The following LHPP variants were observed in gnomAD, a reference collection of about 807,000 sequenced individuals.
LHPP encodes the protein hLHPP.
Under a neutral mutation model 30.3 loss-of-function variants are expected in LHPP, and 24 were observed. The ratio of observed to expected loss-of-function variants is 0.79; its 90% CI spans 0.57 to 1.11. The LOEUF is 1.11. LHPP is among the 50% of genes most tolerant of loss of function. The probability of loss-of-function intolerance (pLI) is 0.00; values close to 1 mark genes in which losing one functional copy is unlikely to be tolerated. For synonymous variants in LHPP, 150 were observed against 157.1 expected (o/e 0.95, Z 0.34); for missense variants, 356 against 367.2 (o/e 0.97, Z 0.25).
chr10:124,497,626 G>T (rs988843994), intron 4 of LHPP, among the ~76,000 whole-genome samples: 3 of 152,340 alleles, frequency 2.0e-5, no homozygotes, highest in East Asian at 3.9e-4. Context: ...CTGCCGTCAG[G>T]TGGGAGGGAG....
intron 1 of LHPP, among the ~76,000 whole-genome samples, chr10:124,482,600 C>T (rs1953176306): frequency 6.6e-6 from 1 of 152,062 alleles, no homozygotes; most frequent in African/African-American, 2.4e-5. Context: ...GGAGCCAGGT[C>T]CTGCCTGTCA....
chr10:124,484,059 C>T lies in LHPP; in HGVS notation c.126-80C>T, dbSNP rs1176929879. The T allele has an allele frequency of 3.2e-5, 44 of 1,386,484 alleles. No individual in the cohort carries two copies. The South Asian group carries it at 4.2e-4, about 13-fold the overall frequency. The allele number at this position is 1,386,484 out of a possible 1,614,324, so 85.9% of individuals were successfully genotyped here. Reference sequence around the variant, plus strand: ...GCTCTGGGCTTTGCTGGATGCCCTTCGAGAATCACCGCGCAACCTCCTTCA... The same window carrying T: ...GCTCTGGGCTTTGCTGGATGCCCTTTGAGAATCACCGCGCAACCTCCTTCA... On this transcript the variant is annotated intron_variant, in intron 1 of 6. Transcript: ENST00000368842.
At chr10:124,467,752 G>C (rs2133811514) in intron 1 of LHPP, among the ~76,000 whole-genome samples, 1 of 151,150 alleles carries the variant, frequency 6.6e-6, no homozygotes, top group East Asian at 1.9e-4. Context: ...GTCTCACTCT[G>C]TCTCCCAGGC....
intron 6 of LHPP, among the ~76,000 whole-genome samples, chr10:124,522,958 C>A (rs1197849738): frequency 1.3e-5 from 2 of 152,204 alleles, no homozygotes; most frequent in East Asian, 3.9e-4. Flanking sequence ...TCCCCACCAA[C>A]CTGTGTTCCT....
chr10:124,467,047 C>T (rs1439591494), intron 1 of LHPP, among the ~76,000 whole-genome samples: 2 of 151,462 alleles, frequency 1.3e-5, no homozygotes, highest in African/African-American at 4.9e-5. Flanking sequence ...CTGCCTGAGC[C>T]CAGGAGTTTG....
intron 2 of LHPP, among the ~76,000 whole-genome samples, 157 bp from the exon 3 acceptor site, chr10:124,488,265 C>T (rs1953401847): frequency 6.6e-6 from 1 of 152,156 alleles, no homozygotes; most frequent in Non-Finnish European, 1.5e-5. Flanking sequence ...TAGGAATAAC[C>T]CTTCTGTGTC....
chr10:124,583,077 C>T (rs1219778603), intron 6 of LHPP, among the ~76,000 whole-genome samples: 3 of 152,058 alleles, frequency 2.0e-5, no homozygotes, highest in Non-Finnish European at 4.4e-5. Context: ...TGTATTTTCT[C>T]ATATTTTGTG....
At chr10:124,465,377 G>T (rs1293857961) in intron 1 of LHPP, among the ~76,000 whole-genome samples, 1 of 152,102 alleles carries the variant, frequency 6.6e-6, no homozygotes, top group Non-Finnish European at 1.5e-5. Flanking sequence ...CTCTAGATAG[G>T]CATATCATGT....
intron 6 of LHPP, among the ~76,000 whole-genome samples, chr10:124,549,724 C>T (rs1955431894): frequency 6.6e-6 from 1 of 152,248 alleles, no homozygotes; most frequent in Non-Finnish European, 1.5e-5. Context: ...GCTGGGCCTG[C>T]CTCTGGCCCT....
intron 6 of LHPP, among the ~76,000 whole-genome samples, chr10:124,578,056 G>A (rs953881756): frequency 1.3e-5 from 2 of 152,148 alleles, no homozygotes; most frequent in African/African-American, 4.8e-5. Context: ...CCGAGAACCT[G>A]ACTGGGACCA....
At position 124,610,323 on chromosome 10, in the gene LHPP, CGGGTGA is replaced by C. The variant is rs1564852668; in HGVS notation, c.717-2935_717-2930del. ...AATGGAGCGGGTGCGGGTGTGGGTG[CGGGTGA>C]GGGTGCTGATGGAGCGGGTGAGGGT... is the stretch of plus-strand genomic sequence containing the variant. On this transcript the variant is annotated intron_variant, in intron 6 of 6. Coordinates refer to ENST00000368842, the MANE Select transcript of LHPP (RefSeq NM_022126.4). 2.1e-3 allele frequency among the ~76,000 whole-genome samples: 201 copies of C among 94,440 alleles called. 2 individuals carry two copies. Among genetic ancestry groups the C allele is most frequent in the African/African-American group, 5.6e-3 (149 of 26,832 alleles). The allele number at this position is 94,440 out of a possible 152,430, so 62.0% of individuals were successfully genotyped here. A position where few individuals can be genotyped will look rare whatever the true frequency, so the allele number is the denominator to read the frequency against.
In LHPP at chr10:124,541,096, C is replaced by A. The variant is rs1307747788; in HGVS notation, c.716+23825C>A. Among the ~76,000 whole-genome samples the A allele has an allele frequency of 6.6e-6, 1 of 152,120 alleles. No individual in the cohort carries two copies. The highest frequency in any genetic ancestry group is 1.5e-5 in the Non-Finnish European group (1 of 68,032). The stretch of plus-strand genomic sequence containing the variant: ...CCCAAATCACAAAGTGGCCCTGGGC[C>A]CTGGGATGGCCGGAGGAGAGCCTGC... On this transcript the variant is annotated intron_variant, in intron 6 of 6. Transcript: ENST00000368842. This position sits in a 1 kb window ranked among gnomAD's most constrained non-coding sequence, Gnocchi z 4.2.
At chr10:124,504,108 C>T (rs1953989440) in intron 5 of LHPP, among the ~76,000 whole-genome samples, 1 of 152,142 alleles carries the variant, frequency 6.6e-6, no homozygotes, top group South Asian at 2.1e-4. Context: ...GGGAGAATCA[C>T]TTGAACCCAG....
Position 124,605,667 on chromosome 10 carries a change from C to T in LHPP, c.717-7597C>T, listed in dbSNP as rs1484195130. Among the ~76,000 whole-genome samples, 16 of 152,130 alleles carry T rather than the reference C, an allele frequency of 1.1e-4. No individual in the cohort carries two copies. The South Asian group carries it at 1.9e-3, about 18-fold the overall frequency. ...AGTGGCTGGCGAGGCGAGGGAGGTC[C>T]GCAGGTGGGGCCCAGTCAGGATGGA... On this transcript the variant is annotated intron_variant, in intron 6 of 6. Transcript: ENST00000368842.
intron 6 of LHPP, among the ~76,000 whole-genome samples, chr10:124,564,188 A>G (rs1459463393): frequency 6.6e-6 from 1 of 150,696 alleles, no homozygotes; most frequent in East Asian, 1.9e-4. Flanking sequence ...CAGTGGCGCG[A>G]TCTTGGCTCA....
Position 124,610,923 on chromosome 10 carries a change from C to T in LHPP, c.717-2341C>T, listed in dbSNP as rs1471982735. ...GGTGAGGGTGAGGGTGCTGATGGAGCGGGCGAGGGTGAGGGTGAGGGTGCT... is the reference window on the plus strand; with the variant it reads ...GGTGAGGGTGAGGGTGCTGATGGAGTGGGCGAGGGTGAGGGTGAGGGTGCT... On this transcript the variant is annotated intron_variant, in intron 6 of 6. Transcript: ENST00000368842. Among the ~76,000 whole-genome samples the T allele has an allele frequency of 3.4e-5, 2 of 58,724 alleles. 1 individual carries two copies. The highest frequency in any genetic ancestry group is 1.4e-4 in the African/African-American group (2 of 13,894). 38.5% of individuals were successfully genotyped at this position (58,724 alleles called of 152,430 possible). A position where few individuals can be genotyped will look rare whatever the true frequency, so the allele number is the denominator to read the frequency against.
intron 6 of LHPP, chr10:124,554,133 C>G (rs2133963051): frequency 1.1e-6 from 1 of 891,248 alleles, no homozygotes; most frequent in Non-Finnish European, 1.3e-6. Flanking sequence ...ACGACCTGGG[C>G]CAGGTAGAGG....
chr10:124,585,714 T>C (rs1159342012), intron 6 of LHPP, among the ~76,000 whole-genome samples: 2 of 152,086 alleles, frequency 1.3e-5, no homozygotes, highest in Non-Finnish European at 2.9e-5. Flanking sequence ...TCCTTCTGCC[T>C]CAGCCTCCCG....
Position 124,583,949 on chromosome 10 carries a change from A to C in LHPP, c.717-29315A>C, listed in dbSNP as rs1162713639. ...TAAGTTTTGAAATTAGGAAGTATGAATCTTCCTACTTTGTACTTCTTTTTC... is the reference window on the plus strand; with the variant it reads ...TAAGTTTTGAAATTAGGAAGTATGACTCTTCCTACTTTGTACTTCTTTTTC... On this transcript the variant is annotated intron_variant, in intron 6 of 6. Transcript: ENST00000368842. Among the ~76,000 whole-genome samples the C allele has an allele frequency of 5.9e-5, 9 of 152,148 alleles. No individual in the cohort carries two copies. The South Asian group carries it at 1.4e-3, about 25-fold the overall frequency.
Sources: gnomAD v4.1 joint callset for allele counts (sites outside exome capture counted in the v4.1 genomes callset) on GRCh38, gnomAD v4.1.1 for gene constraint, Gnocchi (gnomAD v3.1) non-coding constraint, MANE v1.5 for transcripts, NCBI Gene and HGNC (gene_info 2026-07-23, HGNC 2026-07-21) for gene names.